Variants in RALGAPA1 observed in about 807,000 individuals in gnomAD.
The protein encoded by RALGAPA1 is Ral GTPase activating protein catalytic subunit alpha 1.
In RALGAPA1, 52 loss-of-function variants were observed where a neutral mutation model predicts 269.6. The observed-to-expected ratio is 0.19, with a 90% CI of 0.15 to 0.24. The LOEUF is 0.24. RALGAPA1 is among the 10% of genes least tolerant of loss of function. The pLI, the probability that RALGAPA1 is intolerant of heterozygous loss-of-function variation, is 1.00. For missense variants in RALGAPA1, 1,917 were observed against 3,013.9 expected, an observed-to-expected ratio of 0.64 and a Z score of 8.52; for synonymous variants, 817 against 1,008.3, an observed-to-expected ratio of 0.81 and a Z score of 3.60.
At chr14:35,772,889 G>A (rs1287861951) in intron 3 of RALGAPA1, among the ~76,000 whole-genome samples, 1 of 152,028 alleles carries the variant, frequency 6.6e-6, no homozygotes, top group East Asian at 1.9e-4. Context: ...TCTTCTCGTT[G>A]ATATCATCTT....
chr14:35,759,784 C>A (rs1318878391), intron 6 of RALGAPA1, among the ~76,000 whole-genome samples: 1 of 151,614 alleles, frequency 6.6e-6, no homozygotes, highest in Non-Finnish European at 1.5e-5. Context: ...TGGTGGCACA[C>A]ACCTGTAGTC....
intron 4 of RALGAPA1, chr14:35,765,886 G>T: frequency 1.0e-6 from 1 of 986,484 alleles, no homozygotes; most frequent in Non-Finnish European, 1.6e-6. Context: ...TCTACTAATG[G>T]AAAAACAAAT....
At chr14:35,711,469 A>G (rs11156890) in intron 16 of RALGAPA1, among the ~76,000 whole-genome samples, 19,946 of 152,164 alleles carry the variant, frequency 0.13, 2,258 homozygotes, top group East Asian at 0.37. Context: ...TCTTTTTAAG[A>G]CAGGGTCACA....
chr14:35,563,105 T>G (rs1384550332), intron 39 of RALGAPA1, among the ~76,000 whole-genome samples: 1 of 150,874 alleles, frequency 6.6e-6, no homozygotes, highest in Non-Finnish European at 1.5e-5. Flanking sequence ...TCCACCTTGT[T>G]CTAATTAGAA....
chr14:35,759,375 T>C (rs1157991911), intron 6 of RALGAPA1, among the ~76,000 whole-genome samples: 1 of 152,130 alleles, frequency 6.6e-6, no homozygotes, highest in Non-Finnish European at 1.5e-5. Flanking sequence ...CCCAGTGTGG[T>C]TGCACTTGGA....
chr14:35,589,001 G>A (rs2058475628), intron 37 of RALGAPA1, among the ~76,000 whole-genome samples: 1 of 152,148 alleles, frequency 6.6e-6, no homozygotes, highest in East Asian at 1.9e-4. Context: ...AATTAAGCCA[G>A]GCACAAAAAG....
At chr14:35,794,781 T>C (rs1293235481) in intron 1 of RALGAPA1, among the ~76,000 whole-genome samples, 1 of 152,188 alleles carries the variant, frequency 6.6e-6, no homozygotes, top group Admixed American at 6.5e-5. Flanking sequence ...AAGTCATTTA[T>C]TTAATAAAAT....
At position 35,795,528 on chromosome 14, in the gene RALGAPA1, T is replaced by C. The variant is rs148380849; in HGVS notation, c.106+13202A>G. ...ACTATAAAAATAAAATCTCATAATT[T>C]GTGGGGCCTTGGGTCGAATACTCAG... On this transcript the variant is annotated intron_variant, in intron 1 of 41. Coordinates refer to ENST00000680220, the MANE Select transcript of RALGAPA1 (RefSeq NM_001346249.2). Among the ~76,000 whole-genome samples the C allele has an allele frequency of 2.0e-5, 3 of 152,278 alleles. No individual in the cohort carries two copies. The East Asian group carries it at 5.8e-4, about 29-fold the overall frequency.
At chr14:35,539,739 CCT>C (rs1213817508) in intron 41 of RALGAPA1, 49 bp from the exon 42 acceptor site, 1 of 1,597,716 alleles carries the variant, frequency 6.3e-7, no homozygotes, top group Non-Finnish European at 8.5e-7. Context: ...CCTCTCATCC[CCT>C]GAGAAATAAT....
chr14:35,592,874 T>C (rs749541752), intron 37 of RALGAPA1, among the ~76,000 whole-genome samples: 4 of 152,184 alleles, frequency 2.6e-5, no homozygotes, highest in Non-Finnish European at 5.9e-5. Context: ...AGGTAACTTA[T>C]GAAAAACTCA....
Position 35,686,639 on chromosome 14 carries a change from A to C in RALGAPA1, c.3980T>G (p.Leu1327Arg), listed in dbSNP as rs1355326188. The C allele has an allele frequency of 6.3e-7, 1 of 1,596,180 alleles. No homozygotes were observed. Among genetic ancestry groups the C allele is most frequent in the Non-Finnish European group, 8.6e-7 (1 of 1,168,106 alleles). The change falls in exon 19 of 42, where the codon CTG becomes CGG. Residue 1327 changes from leucine (L) to arginine (R), a missense_variant. Coordinates refer to ENST00000680220, the MANE Select transcript of RALGAPA1 (RefSeq NM_001346249.2). ...AVNKEDMSQK[L>R]PPLNSDIGGS... is the part of the protein sequence containing the mutation. Reference sequence around the variant, plus strand: ...GCCAATATCACTATTAAGAGGAGGCAGTTTTTGGCTCATGTCCTCTTTATT... The same window carrying C: ...GCCAATATCACTATTAAGAGGAGGCCGTTTTTGGCTCATGTCCTCTTTATT...
At chr14:35,652,003 ACT>A (rs1449336332) in intron 30 of RALGAPA1, 130 bp from the exon 31 acceptor site, 2 of 570,004 alleles carry the variant, frequency 3.5e-6, no homozygotes, top group Non-Finnish European at 5.7e-6. Context: ...ACACATTAAC[ACT>A]GTTATTTCAA....
At chr14:35,763,684 G>T (rs2073909464) in intron 4 of RALGAPA1, among the ~76,000 whole-genome samples, 1 of 150,286 alleles carries the variant, frequency 6.7e-6, no homozygotes, top group Non-Finnish European at 1.5e-5. Flanking sequence ...TAAGACATTT[G>T]GTTTTTTTCA....
intron 36 of RALGAPA1, among the ~76,000 whole-genome samples, chr14:35,597,888 C>T (rs1220660210): frequency 2.0e-5 from 3 of 152,140 alleles, no homozygotes; most frequent in African/African-American, 4.8e-5. Context: ...CAAGGACATA[C>T]TCTATTATTT....
chr14:35,545,498 C>T (rs2054375441), intron 41 of RALGAPA1, among the ~76,000 whole-genome samples: 1 of 151,654 alleles, frequency 6.6e-6, no homozygotes, highest in African/African-American at 2.4e-5. Flanking sequence ...ATAGGAACCC[C>T]TATATTCTCC....
intron 4 of RALGAPA1, among the ~76,000 whole-genome samples, chr14:35,767,431 T>C (rs548986183): frequency 1.3e-5 from 2 of 152,262 alleles, no homozygotes; most frequent in Admixed American, 6.5e-5. Flanking sequence ...CTCACACCTG[T>C]AATCCTAGCA....
chr14:35,603,378 T>C (rs1184666028), intron 36 of RALGAPA1, among the ~76,000 whole-genome samples: 1 of 152,174 alleles, frequency 6.6e-6, no homozygotes, highest in Non-Finnish European at 1.5e-5. Context: ...ACATCATCTC[T>C]GTTGGGTAAA....
chr14:35,784,793 T>A (rs559001100), intron 1 of RALGAPA1, among the ~76,000 whole-genome samples: 1 of 152,212 alleles, frequency 6.6e-6, no homozygotes, highest in Admixed American at 6.5e-5. Context: ...ATTTATGCAG[T>A]TGAAGACTAG....
intron 35 of RALGAPA1, among the ~76,000 whole-genome samples, chr14:35,616,136 G>A (rs1443646867): frequency 6.6e-6 from 1 of 152,038 alleles, no homozygotes; most frequent in African/African-American, 2.4e-5. Context: ...CAAGGGAAAG[G>A]GAAATGGTCA....
Sources: allele counts gnomAD v4.1 joint callset (sites outside exome capture counted in the v4.1 genomes callset), GRCh38; gene constraint gnomAD v4.1.1; transcripts MANE v1.5; gene names NCBI Gene and HGNC (gene_info 2026-07-23, HGNC 2026-07-21).